INTS6: variants seen among roughly 807,000 people sequenced by gnomAD.
INTS6 encodes integrator complex subunit 6.
INTS6 carries 16 observed loss-of-function variants against 104.9 expected under a neutral mutation model. The observed-to-expected ratio is 0.15, with a 90% CI of 0.10 to 0.23. INTS6 has a LOEUF of 0.23. INTS6 is among the 10% of genes least tolerant of loss of function. The pLI is 1.00. For synonymous variants in INTS6, 324 were observed against 358.7 expected, an observed-to-expected ratio of 0.90 and a Z score of 1.09; for missense variants, 584 against 1,062.8, an observed-to-expected ratio of 0.55 and a Z score of 6.26.
In INTS6 at chr13:51,452,788, G is replaced by C. The variant is rs1342450078; in HGVS notation, c.-263C>G. On this transcript the variant is annotated 5_prime_UTR_variant, in exon 1 of 18. Transcript: ENST00000311234. This position sits in a 1 kb window ranked among gnomAD's most constrained non-coding sequence, Gnocchi z 4.2. ...TGCCCGCTGGGGCGGGCGCCCAGCC[G>C]TCTGTCTGTCGGTTCGTCCCCCCCG... The C allele has an allele frequency of 1.7e-6, 2 of 1,202,446 alleles. No individual in the cohort carries two copies. The highest frequency in any genetic ancestry group is 2.1e-6 in the Non-Finnish European group (2 of 962,056). The allele number at this position is 1,202,446 out of a possible 1,614,324, so 74.5% of individuals were successfully genotyped here.
intron 4 of INTS6, among the ~76,000 whole-genome samples, chr13:51,410,476 T>A (rs959713250): frequency 6.6e-6 from 1 of 152,020 alleles, no homozygotes; most frequent in Non-Finnish European, 1.5e-5. Flanking sequence ...TGATAATCTC[T>A]CCAATAAAAA....
downstream of INTS6, among the ~76,000 whole-genome samples, chr13:51,350,453 T>C (rs1443515650): frequency 6.6e-6 from 1 of 152,038 alleles, no homozygotes; most frequent in Non-Finnish European, 1.5e-5. Flanking sequence ...AATAAAACAT[T>C]TGATTATTAG....
At chr13:51,337,050 G>A in the INTS6 span, among the ~76,000 whole-genome samples, 27 of 152,348 alleles carry the variant, frequency 1.8e-4, no homozygotes, top group African/African-American at 6.5e-4. Context: ...TGGCTGTGCA[G>A]CACCATGTGC....
At chr13:51,343,987 G>A in the INTS6 span, among the ~76,000 whole-genome samples, 4 of 152,164 alleles carry the variant, frequency 2.6e-5, no homozygotes, top group African/African-American at 9.7e-5. Flanking sequence ...ACTGGATGTT[G>A]GTAGTGTTTT....
At chr13:51,449,433 A>G in intron 3 of INTS6, 1 of 976,650 alleles carries the variant, frequency 1.0e-6, no homozygotes, top group Non-Finnish European at 1.2e-6. Flanking sequence ...GGTTTAAATT[A>G]CAAATGTCCT....
chr13:51,399,592 C>T (rs1371113433), intron 4 of INTS6, among the ~76,000 whole-genome samples: 1 of 152,282 alleles, frequency 6.6e-6, no homozygotes, highest in East Asian at 1.9e-4. Context: ...TGCCAGTTTT[C>T]CAAAGTGGTT....
At chr13:51,367,109 A>G (rs549276847) in intron 17 of INTS6, among the ~76,000 whole-genome samples, 2 of 152,054 alleles carry the variant, frequency 1.3e-5, no homozygotes, top group African/African-American at 4.8e-5. Context: ...AAATGGCCCA[A>G]TATTTGCATG....
At chr13:51,424,679 C>T (rs1019578261) in intron 4 of INTS6, among the ~76,000 whole-genome samples, 4 of 151,908 alleles carry the variant, frequency 2.6e-5, no homozygotes, top group African/African-American at 9.7e-5. Flanking sequence ...TAGTGTTATG[C>T]ATGTATTTAG....
intron 4 of INTS6, among the ~76,000 whole-genome samples, chr13:51,417,107 A>C (rs1446859382): frequency 6.6e-6 from 1 of 152,156 alleles, no homozygotes; most frequent in Non-Finnish European, 1.5e-5. Context: ...TTCTTTATAT[A>C]TTCTGGATAT....
At chr13:51,347,321 AG>A in the INTS6 span, 3 of 1,148,968 alleles carry the variant, frequency 2.6e-6, no homozygotes, top group South Asian at 2.7e-5. Context: ...CCTGCTCCTA[AG>A]GGATCGGGAT....
intron 4 of INTS6, among the ~76,000 whole-genome samples, chr13:51,428,800 C>T (rs1346296120): frequency 6.6e-6 from 1 of 152,120 alleles, no homozygotes; most frequent in Non-Finnish European, 1.5e-5. Context: ...ATTATTTAAT[C>T]ATGGATTATA....
At chr13:51,441,915 G>A (rs1309713913) in intron 3 of INTS6, 2 of 151,040 alleles carry the variant, frequency 1.3e-5, no homozygotes, top group East Asian at 3.9e-4. Flanking sequence ...CCACCTCCTA[G>A]GTTCAAGTGA....
At chr13:51,445,178 G>C (rs1379461836) in intron 3 of INTS6, 5 of 152,114 alleles carry the variant, frequency 3.3e-5, no homozygotes, top group Non-Finnish European at 5.9e-5. Flanking sequence ...TCTTGCAAAA[G>C]AATGACTTTC....
At chr13:51,342,873 C>G in the INTS6 span, among the ~76,000 whole-genome samples, 2 of 152,192 alleles carry the variant, frequency 1.3e-5, no homozygotes, top group African/African-American at 4.8e-5. Flanking sequence ...TTACTACACT[C>G]AAATGCAAGC....
intron 15 of INTS6, among the ~76,000 whole-genome samples, chr13:51,370,864 A>C (rs1955789783): frequency 6.6e-6 from 1 of 152,158 alleles, no homozygotes; most frequent in African/African-American, 2.4e-5. Context: ...TGTTCCTTAT[A>C]GATAGGGAAT....
intron 10 of INTS6, among the ~76,000 whole-genome samples, chr13:51,379,879 G>C (rs1453081637): frequency 6.6e-6 from 1 of 151,974 alleles, no homozygotes; most frequent in East Asian, 1.9e-4. Context: ...ACATTCTAGA[G>C]GTAGCTCTGA....
At chr13:51,397,870 C>T (rs1956369886) in intron 4 of INTS6, among the ~76,000 whole-genome samples, 1 of 152,014 alleles carries the variant, frequency 6.6e-6, no homozygotes, top group African/African-American at 2.4e-5. Flanking sequence ...TGATGAGCAT[C>T]TGCAACGCAG....
At chr13:51,372,454 T>C (rs1412473910) in intron 15 of INTS6, among the ~76,000 whole-genome samples, 1 of 152,156 alleles carries the variant, frequency 6.6e-6, no homozygotes, top group Non-Finnish European at 1.5e-5. Flanking sequence ...CTCTTAACTT[T>C]GGCACTTTCA....
At chr13:51,386,658 C>T (rs1956145331) in intron 7 of INTS6, among the ~76,000 whole-genome samples, 1 of 151,956 alleles carries the variant, frequency 6.6e-6, no homozygotes, top group Non-Finnish European at 1.5e-5. Flanking sequence ...TATTAGACTG[C>T]TTAATGATCT....
Sources: gnomAD v4.1 joint callset for allele counts (sites outside exome capture counted in the v4.1 genomes callset) on GRCh38, gnomAD v4.1.1 for gene constraint, Gnocchi (gnomAD v3.1) non-coding constraint, MANE v1.5 for transcripts, NCBI Gene and HGNC (gene_info 2026-07-23, HGNC 2026-07-21) for gene names.